Variants in NRXN1 observed in about 807,000 individuals in gnomAD.
NRXN1 encodes the protein neurexin-1.
A neutral mutation model predicts 150.9 loss-of-function variants in NRXN1; 39 were observed. That is an observed-to-expected ratio of 0.26 (90% CI 0.20 to 0.34). The LOEUF is 0.34. NRXN1 is among the 10% of genes least tolerant of loss of function. The probability of loss-of-function intolerance (pLI) is 1.00; values close to 1 mark genes in which losing one functional copy is unlikely to be tolerated. For missense variants in NRXN1, 1,815 were observed against 1,949.9 expected (o/e 0.93, Z 1.30); for synonymous variants, 924 against 757.0 (o/e 1.22, Z -3.62).
chr2:50,026,903 C>CG (rs1688415284), intron 21 of NRXN1, among the ~76,000 whole-genome samples: 1 of 62,272 alleles, frequency 1.6e-5, no homozygotes, highest in Non-Finnish European at 2.8e-5. Flanking sequence ...TTTTTTGAGA[C>CG]GGAGTCTCGT....
chr2:49,929,186 G>A (rs1243592950), intron 22 of NRXN1, among the ~76,000 whole-genome samples: 1 of 152,070 alleles, frequency 6.6e-6, no homozygotes, highest in Non-Finnish European at 1.5e-5. Context: ...CCTGCATGAT[G>A]GAGAAACCCA....
intron 5 of NRXN1, among the ~76,000 whole-genome samples, chr2:50,717,891 G>T (rs973831441): frequency 6.6e-6 from 1 of 152,044 alleles, no homozygotes; most frequent in African/African-American, 2.4e-5. Flanking sequence ...ATTCATGAGG[G>T]TTTCACTCTC....
chr2:50,704,242 T>A (rs1301892595), intron 5 of NRXN1, among the ~76,000 whole-genome samples: 3 of 152,092 alleles, frequency 2.0e-5, no homozygotes, highest in Non-Finnish European at 4.4e-5. Flanking sequence ...CAAATATAGT[T>A]TTTTTAAATT....
intron 17 of NRXN1, among the ~76,000 whole-genome samples, chr2:50,303,625 T>C (rs1482688195): frequency 6.6e-6 from 1 of 152,150 alleles, no homozygotes; most frequent in Admixed American, 6.5e-5. Flanking sequence ...CTTTCATGTG[T>C]ATTTGCATGT....
intron 17 of NRXN1, among the ~76,000 whole-genome samples, chr2:50,309,062 G>A (rs1211260301): frequency 1.3e-5 from 2 of 152,166 alleles, no homozygotes; most frequent in African/African-American, 4.8e-5. Context: ...GAAAATCACT[G>A]AATGCAAAGA....
intron 21 of NRXN1, among the ~76,000 whole-genome samples, chr2:49,987,664 T>G (rs1836545): frequency 0.47 from 71,956 of 151,752 alleles, 17,623 homozygotes; most frequent in Middle Eastern, 0.61. Context: ...AGTAGTATTT[T>G]TATAGTTTGT....
chr2:50,687,683 A>C (rs1691443366), intron 5 of NRXN1, among the ~76,000 whole-genome samples: 1 of 152,210 alleles, frequency 6.6e-6, no homozygotes. Flanking sequence ...ACTATTTTGA[A>C]TATGCAGAGG....
At chr2:50,189,306 A>G (rs1328416616) in intron 18 of NRXN1, among the ~76,000 whole-genome samples, 1 of 151,776 alleles carries the variant, frequency 6.6e-6, no homozygotes, top group African/African-American at 2.4e-5. Flanking sequence ...CATAAGTGGG[A>G]GTTGAACAAT....
At chr2:50,423,299 GTGAT>G (rs781405888) in intron 17 of NRXN1, among the ~76,000 whole-genome samples, 1 of 152,046 alleles carries the variant, frequency 6.6e-6, no homozygotes, top group African/African-American at 2.4e-5. Context: ...AAACCTATTT[GTGAT>G]TGATTGATTG....
intron 21 of NRXN1, among the ~76,000 whole-genome samples, chr2:50,016,828 C>T (rs982180460): frequency 1.3e-5 from 2 of 152,146 alleles, no homozygotes; most frequent in African/African-American, 4.8e-5. Context: ...AGTTTGTCCT[C>T]AGACACAGAA....
At chr2:50,870,934 T>G (rs1334893212) in intron 5 of NRXN1, among the ~76,000 whole-genome samples, 1 of 151,938 alleles carries the variant, frequency 6.6e-6, no homozygotes, top group Non-Finnish European at 1.5e-5. Context: ...CTCAATATAT[T>G]TCATTGAATA....
intron 17 of NRXN1, among the ~76,000 whole-genome samples, chr2:50,296,420 T>C (rs1411363454): frequency 6.6e-6 from 1 of 152,148 alleles, no homozygotes; most frequent in African/African-American, 2.4e-5. Flanking sequence ...AATGGATATA[T>C]TGTATAATGG....
At chr2:50,938,774 C>T (rs958388105) in intron 2 of NRXN1, among the ~76,000 whole-genome samples, 1 of 151,962 alleles carries the variant, frequency 6.6e-6, no homozygotes, top group Non-Finnish European at 1.5e-5. Context: ...AATGAATGAC[C>T]CAATGGTAAA....
chr2:50,479,318 T>C lies in NRXN1; in HGVS notation c.3071-6847A>G, dbSNP rs533552439. On this transcript the variant is annotated intron_variant, in intron 15 of 22. Transcript: ENST00000401669. ...CTTCCAGCATGAATGCCTTTCCTCT[T>C]CTGATGTTGTTCTTCAAAATCCTAC... 2.0e-5 allele frequency among the ~76,000 whole-genome samples: 3 copies of C among 152,250 alleles called. No individual in the cohort carries two copies. In the South Asian group the frequency reaches 6.2e-4, roughly 32 times the overall value.
chr2:50,405,605 G>T (rs1369026958), intron 17 of NRXN1, among the ~76,000 whole-genome samples: 1 of 152,076 alleles, frequency 6.6e-6, no homozygotes, highest in East Asian at 1.9e-4. Flanking sequence ...AGAGAAAATT[G>T]TACATTTCCT....
intron 5 of NRXN1, among the ~76,000 whole-genome samples, chr2:50,715,669 T>C (rs1695773064): frequency 6.6e-6 from 1 of 152,172 alleles, no homozygotes. Flanking sequence ...ATCTTGTGCA[T>C]TCTTGCCTTT....
chr2:50,718,739 G>A lies in NRXN1; in HGVS notation c.833-95124C>T, dbSNP rs896617171. ...TGTGTGTTTGCATTCATGTGCCTGCGTGTGTGTGAAATAAAAATTTCATAC... is the reference window on the plus strand; with the variant it reads ...TGTGTGTTTGCATTCATGTGCCTGCATGTGTGTGAAATAAAAATTTCATAC... On this transcript the variant is annotated intron_variant, in intron 5 of 22. Transcript: ENST00000401669. Among the ~76,000 whole-genome samples, 79 of 152,128 alleles carry A rather than the reference G, an allele frequency of 5.2e-4. 1 individual carries two copies. The highest frequency in any genetic ancestry group is 1.8e-3 in the African/African-American group (75 of 41,518).
At chr2:50,948,119 T>C (rs1469663944) in intron 2 of NRXN1, among the ~76,000 whole-genome samples, 1 of 152,094 alleles carries the variant, frequency 6.6e-6, no homozygotes, top group South Asian at 2.1e-4. Context: ...AGACACCACA[T>C]TTCTTCAATA....
At chr2:50,913,331 A>G (rs925952684) in intron 5 of NRXN1, among the ~76,000 whole-genome samples, 2 of 151,788 alleles carry the variant, frequency 1.3e-5, no homozygotes, top group African/African-American at 4.8e-5. Flanking sequence ...CCATCCCTCT[A>G]GCAGCAGTTT....
Sources: gnomAD v4.1 joint callset for allele counts (sites outside exome capture counted in the v4.1 genomes callset) on GRCh38, gnomAD v4.1.1 for gene constraint, MANE v1.5 for transcripts, NCBI Gene and HGNC (gene_info 2026-07-23, HGNC 2026-07-21) for gene names.